The following PTPRD variants were observed in gnomAD, a reference collection of about 807,000 sequenced individuals.
The protein encoded by PTPRD is protein tyrosine phosphatase receptor type D, also known as receptor-type tyrosine-protein phosphatase delta.
In PTPRD, 34 loss-of-function variants were observed where a neutral mutation model predicts 214.5. That is an observed-to-expected ratio of 0.16 (90% CI 0.12 to 0.21). PTPRD has a LOEUF of 0.21. Ranked by LOEUF, PTPRD falls within the 10% of genes least tolerant of loss-of-function variation. PTPRD has a pLI of 1.00. For synonymous variants in PTPRD, 1,128 were observed against 845.7 expected (o/e 1.33, Z -5.79); for missense variants, 2,545 against 2,398.7 (o/e 1.06, Z -1.27).
chr9:9,614,042 C>G (rs556290593), intron 7 of PTPRD, among the ~76,000 whole-genome samples: 65 of 152,012 alleles, frequency 4.3e-4, no homozygotes, highest in African/African-American at 1.5e-3. Context: ...GATGAAAATA[C>G]AATGTACTCA....
At chr9:9,605,117 G>A (rs1404570767) in intron 7 of PTPRD, among the ~76,000 whole-genome samples, 6 of 151,998 alleles carry the variant, frequency 3.9e-5, no homozygotes, top group Non-Finnish European at 5.9e-5. Flanking sequence ...CATTTACCCA[G>A]TAGATTCACA....
In PTPRD at chr9:10,545,877, G is replaced by C. The variant is rs569638591; in HGVS notation, c.-600+66521C>G. Among the ~76,000 whole-genome samples, 5 of 152,210 alleles carry C rather than the reference G, an allele frequency of 3.3e-5. No individual in the cohort carries two copies. In the East Asian group the frequency reaches 5.8e-4, roughly 18 times the overall value. ...TGTACTATTATTCCATGGAACACAA[G>C]GCACAGCAGAAGCTCTTTGAATATG... is the stretch of plus-strand genomic sequence containing the variant. On this transcript the variant is annotated intron_variant, in intron 2 of 45. Coordinates refer to ENST00000381196, the MANE Select transcript of PTPRD (RefSeq NM_002839.4).
intron 14 of PTPRD, among the ~76,000 whole-genome samples, chr9:8,618,365 A>G (rs1248142282): frequency 6.6e-6 from 1 of 152,140 alleles, no homozygotes; most frequent in African/African-American, 2.4e-5. Context: ...TAGCTCAGCA[A>G]GTCTATCAAC....
At chr9:8,482,917 T>G (rs920291885) in intron 30 of PTPRD, among the ~76,000 whole-genome samples, 6 of 152,250 alleles carry the variant, frequency 3.9e-5, no homozygotes, top group African/African-American at 1.4e-4. Context: ...TTCAGAAACT[T>G]TATTGACCCA....
At chr9:9,813,483 T>TG (rs1232552547) in intron 5 of PTPRD, among the ~76,000 whole-genome samples, 2 of 151,968 alleles carry the variant, frequency 1.3e-5, no homozygotes, top group East Asian at 3.9e-4. Context: ...TTATAGCAGG[T>TG]TATTAACAAT....
chr9:9,868,473 A>G (rs921178972), intron 5 of PTPRD, among the ~76,000 whole-genome samples: 2 of 152,154 alleles, frequency 1.3e-5, no homozygotes, highest in African/African-American at 4.8e-5. Flanking sequence ...AGTAGAATTT[A>G]AAGACATTGT....
chr9:8,883,048 T>A (rs2098459793), intron 11 of PTPRD, among the ~76,000 whole-genome samples: 2 of 152,140 alleles, frequency 1.3e-5, no homozygotes, highest in Admixed American at 1.3e-4. Context: ...TGAATACTGG[T>A]CTGCTGTTTG....
At chr9:8,339,506 A>ATCTT (rs1180183838) in intron 42 of PTPRD, among the ~76,000 whole-genome samples, 1 of 152,152 alleles carries the variant, frequency 6.6e-6, no homozygotes, top group Non-Finnish European at 1.5e-5. Flanking sequence ...ATTTGTTCCA[A>ATCTT]TCTTACTTGT....
At chr9:10,612,208 CAAA>C (rs35311745) in intron 2 of PTPRD, among the ~76,000 whole-genome samples, 187 bp downstream of exon 2, 32 of 126,732 alleles carry the variant, frequency 2.5e-4, no homozygotes, top group Admixed American at 7.5e-4. Context: ...AGGGCTCTTC[CAAA>C]AAAAAAAAAA....
chr9:10,030,405 T>A (rs902136779), intron 4 of PTPRD, among the ~76,000 whole-genome samples: 1 of 152,218 alleles, frequency 6.6e-6, no homozygotes, highest in African/African-American at 2.4e-5. Flanking sequence ...GCTAATGTGC[T>A]ATCGAATAGA....
chr9:10,373,389 A>C (rs2097668607), intron 2 of PTPRD, among the ~76,000 whole-genome samples: 1 of 152,090 alleles, frequency 6.6e-6, no homozygotes, highest in Non-Finnish European at 1.5e-5. Context: ...CTTGGAATCT[A>C]ACATTCAGAT....
chr9:8,473,567 G>A (rs186380878), intron 30 of PTPRD, among the ~76,000 whole-genome samples: 14 of 152,220 alleles, frequency 9.2e-5, no homozygotes, highest in Admixed American at 6.5e-4. Flanking sequence ...CAATGATACT[G>A]CATATTATCA....
rs117096577 is a variant in PTPRD at position 8,896,162 on chromosome 9, T to G, written c.-104+122535A>C. Among the ~76,000 whole-genome samples, 915 of 152,248 alleles carry G rather than the reference T, an allele frequency of 6.0e-3. 23 individuals carry two copies. In the East Asian group the frequency reaches 0.08, roughly 13 times the overall value. On this transcript the variant is annotated intron_variant, in intron 11 of 45. Coordinates refer to ENST00000381196, the MANE Select transcript of PTPRD (RefSeq NM_002839.4). ...ATTTAAGTGAATAAACTGGGGGAAA[T>G]GATTGCCTTTTAAACATGCAGACTA... is the stretch of plus-strand genomic sequence containing the variant.
intron 4 of PTPRD, among the ~76,000 whole-genome samples, chr9:9,943,789 G>A (rs2092076921): frequency 6.6e-6 from 1 of 152,096 alleles, no homozygotes; most frequent in Non-Finnish European, 1.5e-5. Flanking sequence ...GGTAAGTACA[G>A]TAGACAACTG....
At chr9:9,837,968 T>C (rs1019782433) in intron 5 of PTPRD, among the ~76,000 whole-genome samples, 1 of 152,118 alleles carries the variant, frequency 6.6e-6, no homozygotes, top group East Asian at 1.9e-4. Context: ...CCTTCCTGTG[T>C]CCATGTGTTC....
intron 3 of PTPRD, among the ~76,000 whole-genome samples, chr9:10,237,619 T>C (rs1223178938): frequency 6.6e-6 from 1 of 151,960 alleles, no homozygotes; most frequent in Non-Finnish European, 1.5e-5. Flanking sequence ...CTTTAAGTAC[T>C]ATAGTGCCTA....
chr9:9,752,568 G>C (rs2098531165), intron 6 of PTPRD, among the ~76,000 whole-genome samples: 1 of 151,900 alleles, frequency 6.6e-6, no homozygotes, highest in African/African-American at 2.4e-5. Context: ...TAAATTATCA[G>C]AACTCCAAAT....
intron 14 of PTPRD, among the ~76,000 whole-genome samples, chr9:8,553,689 C>T (rs980276207): frequency 2.0e-5 from 3 of 152,128 alleles, no homozygotes; most frequent in Admixed American, 6.5e-5. Context: ...TAAGATCAAG[C>T]GTCTAAAATG....
chr9:8,971,012 G>C (rs571821699), intron 11 of PTPRD, among the ~76,000 whole-genome samples: 5 of 151,650 alleles, frequency 3.3e-5, no homozygotes, highest in Admixed American at 3.3e-4. Flanking sequence ...AAGCCTAAAA[G>C]CATTTTCATA....
Sources: allele counts gnomAD v4.1 joint callset (sites outside exome capture counted in the v4.1 genomes callset), GRCh38; gene constraint gnomAD v4.1.1; transcripts MANE v1.5; gene names NCBI Gene and HGNC (gene_info 2026-07-23, HGNC 2026-07-21).